Variants in TNFRSF10D observed in about 807,000 individuals in gnomAD.
TNFRSF10D encodes tumor necrosis factor receptor superfamily member 10D.
A neutral mutation model predicts 42.1 loss-of-function variants in TNFRSF10D; 28 were observed. That is an observed-to-expected ratio of 0.66 (90% CI 0.49 to 0.91). The LOEUF is 0.91. TNFRSF10D is among the 40% of genes least tolerant of loss of function. The probability of loss-of-function intolerance (pLI) is 0.00; values close to 1 mark genes in which losing one functional copy is unlikely to be tolerated. For synonymous variants in TNFRSF10D, 186 were observed against 189.4 expected (o/e 0.98, Z 0.15); for missense variants, 503 against 486.1 (o/e 1.03, Z -0.33).
At chr8:23,142,041 G>C (rs572633871) in intron 7 of TNFRSF10D, among the ~76,000 whole-genome samples, 66 of 152,314 alleles carry the variant, frequency 4.3e-4, no homozygotes, top group Non-Finnish European at 9.0e-4. Flanking sequence ...GGAGGCCGAG[G>C]TGGATGGATC....
rs375576275 is a variant in TNFRSF10D at position 23,145,648 on chromosome 8, C to T, written c.736+20G>A. ...CAGGGCAGACAGTGCCCAGCGCTCC[C>T]ACCCTCAGCCAGCACCTACCTGAGC... On this transcript the variant is annotated intron_variant, in intron 5 of 8. Coordinates refer to ENST00000312584, the MANE Select transcript of TNFRSF10D (RefSeq NM_003840.5). 6.2e-6 allele frequency: 10 copies of T among 1,613,416 alleles called. No homozygotes were observed. The highest frequency in any genetic ancestry group is 8.5e-6 in the Non-Finnish European group (10 of 1,180,004).
Position 23,145,847 on chromosome 8 carries a change from G to A in TNFRSF10D, c.557C>T (p.Ala186Val). The change falls in exon 5 of 9, where the codon GCC becomes GTC. Residue 186 changes from alanine to valine, a missense_variant. Transcript: ENST00000312584. Reference sequence around the variant, plus strand: ...TGCTGGGGTTTTCCCAGTGGAACTGGCAGCTGATTCATTTTTGCACTTGAT... The same window carrying A: ...TGCTGGGGTTTTCCCAGTGGAACTGACAGCTGATTCATTTTTGCACTTGAT... ...SDIKCKNESA[A>V]SSTGKTPAAE... 2 of 1,614,212 alleles carry A rather than the reference G, an allele frequency of 1.2e-6. No individual in the cohort carries two copies. Among genetic ancestry groups the A allele is most frequent in the Non-Finnish European group, 1.7e-6 (2 of 1,180,040 alleles).
At chr8:23,150,967 G>C (rs1387098569) in intron 2 of TNFRSF10D, among the ~76,000 whole-genome samples, 3 of 152,116 alleles carry the variant, frequency 2.0e-5, no homozygotes, top group African/African-American at 7.2e-5. Context: ...AGGAGCATCA[G>C]AGAAAGTGAA....
intron 7 of TNFRSF10D, among the ~76,000 whole-genome samples, chr8:23,143,039 T>C (rs184141476): frequency 4.5e-4 from 69 of 152,206 alleles, no homozygotes; most frequent in African/African-American, 1.6e-3. Context: ...TGCAGTGGCG[T>C]GATCTCGGCT....
intron 1 of TNFRSF10D, among the ~76,000 whole-genome samples, chr8:23,160,516 C>T (rs867503310): frequency 6.6e-6 from 1 of 152,214 alleles, no homozygotes; most frequent in Admixed American, 6.5e-5. Flanking sequence ...GGAGACATTG[C>T]TCCTGAATCT....
At chr8:23,142,222 G>C (rs1255555594) in intron 7 of TNFRSF10D, among the ~76,000 whole-genome samples, 1 of 151,802 alleles carries the variant, frequency 6.6e-6, no homozygotes, top group Non-Finnish European at 1.5e-5. Context: ...AGTGAGCCGA[G>C]ATTGTGCCAC....
intron 7 of TNFRSF10D, among the ~76,000 whole-genome samples, chr8:23,140,888 G>A (rs1160681947): frequency 6.6e-6 from 1 of 152,106 alleles, no homozygotes; most frequent in Non-Finnish European, 1.5e-5. Context: ...CCAGTCTCAA[G>A]TATTTCTTCA....
chr8:23,140,257 C>A (rs1814436132), intron 7 of TNFRSF10D, among the ~76,000 whole-genome samples: 1 of 151,994 alleles, frequency 6.6e-6, no homozygotes, highest in African/African-American at 2.4e-5. Context: ...CCACTGCACT[C>A]CAGCCTGGGT....
chr8:23,163,832 GGGTCC>G lies in TNFRSF10D; in HGVS notation c.99_103del (p.Asp34GlnfsTer4). On this transcript the variant is annotated frameshift_variant, in exon 1 of 9. Coordinates refer to ENST00000312584, the MANE Select transcript of TNFRSF10D (RefSeq NM_003840.5). LOFTEE classifies it high-confidence loss of function. ...GAAGACGACGAACTTAAGGATCTTG[GGGTCC>G]AGGAGCCATGGTCTGGTTCCCGACG... 6.2e-7 allele frequency: 1 copy of G among 1,608,778 alleles called. No individual in the cohort carries two copies. The highest frequency in any genetic ancestry group is 8.5e-7 in the Non-Finnish European group (1 of 1,178,360).
chr8:23,146,444 G>C (rs111667155), intron 4 of TNFRSF10D, among the ~76,000 whole-genome samples: 927 of 152,212 alleles, frequency 6.1e-3, no homozygotes, highest in African/African-American at 0.019. Flanking sequence ...GGGTGAGGCC[G>C]GCTGGGTGGG....
Position 23,148,514 on chromosome 8 carries a change from C to G in TNFRSF10D, c.294G>C (p.Pro98=), listed in dbSNP as rs764128349. 1.2e-5 allele frequency: 19 copies of G among 1,610,152 alleles called. No homozygotes were observed. Among genetic ancestry groups the G allele is most frequent in the Non-Finnish European group, 1.5e-5 (18 of 1,177,542 alleles). The change falls in exon 3 of 9, where the codon CCG becomes CCC. Residue 98 remains proline, a synonymous_variant. Transcript: ENST00000312584. The stretch of plus-strand genomic sequence containing the variant: ...TGGTGTAATCCACACCCTCTGTGCA[C>G]GGGTTACAGGCTCCAGTATATTCTG... ...HRSEYTGACN[P]CTEGVDYTIA... is the part of the protein sequence containing the mutation.
At chr8:23,157,630 G>C (rs1459902745) in intron 1 of TNFRSF10D, among the ~76,000 whole-genome samples, 1 of 152,196 alleles carries the variant, frequency 6.6e-6, no homozygotes, top group East Asian at 1.9e-4. Context: ...GTCAATTACA[G>C]AGAAACAGCT....
In TNFRSF10D at chr8:23,136,248, G is replaced by C; in HGVS notation, c.*1622C>G. 4.1e-6 allele frequency: 1 copy of C among 242,048 alleles called. No homozygotes were observed. Among genetic ancestry groups the C allele is most frequent in the South Asian group, 4.9e-5 (1 of 20,222 alleles). 15.0% of individuals were successfully genotyped at this position (242,048 alleles called of 1,614,324 possible). A position where few individuals can be genotyped will look rare whatever the true frequency, so the allele number is the denominator to read the frequency against. On this transcript the variant is annotated 3_prime_UTR_variant, in exon 9 of 9. Transcript: ENST00000312584. ...AGGTTTTTAAATAAAATAATGGAACGTGACACAAGGACAAATGTGTCAGCC... is the reference window on the plus strand; with the variant it reads ...AGGTTTTTAAATAAAATAATGGAACCTGACACAAGGACAAATGTGTCAGCC...
chr8:23,138,059 A>G, intron 8 of TNFRSF10D, 56 bp from the exon 9 acceptor site: 3 of 1,610,184 alleles, frequency 1.9e-6, no homozygotes, highest in East Asian at 2.2e-5. Flanking sequence ...TCAGCACAGG[A>G]TCGACATGGG....
Position 23,163,900 on chromosome 8 carries a change from C to G in TNFRSF10D, c.36G>C (p.Ser12=), listed in dbSNP as rs61736093. The G allele has an allele frequency of 4.8e-4, 756 of 1,588,330 alleles. No homozygotes were observed. In the African/African-American group the frequency reaches 5.8e-3, roughly 12 times the overall value. The change falls in exon 1 of 9, where the codon TCG becomes TCC. Residue 12 remains serine (S), a synonymous_variant. Coordinates refer to ENST00000312584, the MANE Select transcript of TNFRSF10D (RefSeq NM_003840.5). ...GLWGQSVPTA[S]SARAGRYPGA... is the part of the protein sequence containing the mutation. ...CTGGATAGCGCCCTGCTCGAGCGCT[C>G]GAGGCGGTCGGGACGCTTTGTCCCC...
At position 23,137,900 on chromosome 8, in the gene TNFRSF10D, A is replaced by G. The variant is rs769544671; in HGVS notation, c.1131T>C (p.Asp377=). 6.2e-7 allele frequency: 1 copy of G among 1,614,052 alleles called. No homozygotes were observed. The highest frequency in any genetic ancestry group is 1.3e-5 in the African/African-American group (1 of 74,934). Residue 377 remains aspartate, a synonymous_variant, in exon 9 of 9, where the codon GAT becomes GAC. Transcript: ENST00000312584. ...GGCAGGACGTAGCAGAGCCTGCCTC[A>G]TCTTCTTCATAAAAGAGCTTTTCGG... is the stretch of plus-strand genomic sequence containing the variant. The part of the protein sequence containing the change: ...VGSEKLFYEE[D]EAGSATSCL
At chr8:23,146,610 C>A (rs1800125012) in intron 4 of TNFRSF10D, among the ~76,000 whole-genome samples, 2 of 152,126 alleles carry the variant, frequency 1.3e-5, no homozygotes, top group African/African-American at 4.8e-5. Flanking sequence ...AAAATACAAG[C>A]CAGGCTGGAT....
At chr8:23,144,951 T>G in intron 6 of TNFRSF10D, 107 bp downstream of exon 6, 1 of 1,513,478 alleles carries the variant, frequency 6.6e-7, no homozygotes, top group Non-Finnish European at 9.2e-7. Flanking sequence ...TGTCAGAGAG[T>G]CAGGGCAGCC....
At chr8:23,148,978 C>T (rs906431083) in intron 2 of TNFRSF10D, among the ~76,000 whole-genome samples, 1 of 151,514 alleles carries the variant, frequency 6.6e-6, no homozygotes, top group African/African-American at 2.4e-5. Flanking sequence ...ATCACGAGGT[C>T]AGGAGATCGA....
Sources: gnomAD v4.1 joint callset for allele counts (sites outside exome capture counted in the v4.1 genomes callset) on GRCh38, gnomAD v4.1.1 for gene constraint, MANE v1.5 for transcripts, NCBI Gene and HGNC (gene_info 2026-07-23, HGNC 2026-07-21) for gene names.